Variants in PPP1R14C observed in about 807,000 individuals in gnomAD.
PPP1R14C encodes the protein protein phosphatase 1 regulatory inhibitor subunit 14C.
A neutral mutation model predicts 20.4 loss-of-function variants in PPP1R14C; 16 were observed. The observed-to-expected ratio is 0.78, with a 90% CI of 0.53 to 1.19. The LOEUF is 1.19. Among genes scored for constraint, PPP1R14C ranks in the 50% most tolerant of loss-of-function variants. The pLI, the probability that PPP1R14C is intolerant of heterozygous loss-of-function variation, is 0.00. For missense variants in PPP1R14C, 211 were observed against 220.1 expected (o/e 0.96, Z 0.26); for synonymous variants, 91 against 91.0 (o/e 1.00, Z 0.00).
intron 1 of PPP1R14C, among the ~76,000 whole-genome samples, chr6:150,189,019 C>T (rs569582243): frequency 1.3e-5 from 2 of 151,928 alleles, no homozygotes; most frequent in East Asian, 1.9e-4. Context: ...CCACCATGCC[C>T]GGCTAATTTT....
At chr6:150,189,074 G>T (rs1777712000) in intron 1 of PPP1R14C, among the ~76,000 whole-genome samples, 1 of 151,622 alleles carries the variant, frequency 6.6e-6, no homozygotes, top group Non-Finnish European at 1.5e-5. Context: ...GGTCAGGCTG[G>T]TCTCAAACTC....
Position 150,197,914 on chromosome 6 carries a change from T to C in PPP1R14C, c.307-16830T>C, listed in dbSNP as rs9371815. 3.7e-3 allele frequency among the ~76,000 whole-genome samples: 250 copies of C among 67,056 alleles called. 2 individuals carry two copies. The highest frequency in any genetic ancestry group is 0.031 in the Middle Eastern group (3 of 98). 44.0% of individuals were successfully genotyped at this position (67,056 alleles called of 152,430 possible). On this transcript the variant is annotated intron_variant, in intron 1 of 3. Transcript: ENST00000361131. Reference sequence around the variant, plus strand: ...ATGCCCAGCTTTGTGTGCCCCTGCCTGCCACGGTGGAGGAGGGCCTGGATG... The same window carrying C: ...ATGCCCAGCTTTGTGTGCCCCTGCCCGCCACGGTGGAGGAGGGCCTGGATG...
intron 3 of PPP1R14C, among the ~76,000 whole-genome samples, chr6:150,231,328 T>C (rs532414136): frequency 6.0e-4 from 91 of 152,334 alleles, no homozygotes; most frequent in Middle Eastern, 6.8e-3. Flanking sequence ...TCTGTATTAG[T>C]ATGTGTGAGT....
chr6:150,174,716 G>A (rs969242925), intron 1 of PPP1R14C, among the ~76,000 whole-genome samples: 4 of 151,758 alleles, frequency 2.6e-5, no homozygotes, highest in African/African-American at 7.3e-5. Flanking sequence ...TGTAATCCCA[G>A]CACTTTGGGA....
intron 1 of PPP1R14C, among the ~76,000 whole-genome samples, chr6:150,174,810 C>CA (rs1297018608): frequency 6.6e-6 from 1 of 151,250 alleles, no homozygotes; most frequent in Non-Finnish European, 1.5e-5. Flanking sequence ...TGAAAATACA[C>CA]AAAAAATTAG....
At chr6:150,207,181 A>C (rs17079418) in intron 1 of PPP1R14C, among the ~76,000 whole-genome samples, 2 of 152,050 alleles carry the variant, frequency 1.3e-5, no homozygotes, top group African/African-American at 4.8e-5. Context: ...TGTTTTTAAA[A>C]AGGGCTTTGG....
chr6:150,230,159 C>T (rs1246740492), intron 3 of PPP1R14C, among the ~76,000 whole-genome samples: 1 of 152,172 alleles, frequency 6.6e-6, no homozygotes, highest in Non-Finnish European at 1.5e-5. Flanking sequence ...TCACCTTTTC[C>T]AAGAGGCACA....
At chr6:150,158,008 G>C (rs527429401) in intron 1 of PPP1R14C, among the ~76,000 whole-genome samples, 5 of 152,212 alleles carry the variant, frequency 3.3e-5, no homozygotes, top group Non-Finnish European at 7.3e-5. Flanking sequence ...GGCTGGGGGA[G>C]CTGGCTTGGT....
intron 3 of PPP1R14C, among the ~76,000 whole-genome samples, chr6:150,227,948 G>C (rs1192081711): frequency 6.6e-6 from 1 of 152,166 alleles, no homozygotes; most frequent in East Asian, 1.9e-4. Context: ...CTTTCATTAG[G>C]ATTCTATGCA....
At chr6:150,148,545 A>G (rs532437253) in intron 1 of PPP1R14C, among the ~76,000 whole-genome samples, 2 of 152,354 alleles carry the variant, frequency 1.3e-5, no homozygotes, top group South Asian at 2.1e-4. Flanking sequence ...CTCCTTTTAC[A>G]TGCAGATCCT....
intron 1 of PPP1R14C, among the ~76,000 whole-genome samples, chr6:150,174,430 A>C (rs1030545155): frequency 5.3e-5 from 8 of 151,594 alleles, no homozygotes; most frequent in Non-Finnish European, 8.8e-5. Context: ...GTTAGCCAGG[A>C]TGGTCTCGAT....
intron 1 of PPP1R14C, among the ~76,000 whole-genome samples, chr6:150,202,544 T>C (rs905955100): frequency 4.6e-5 from 7 of 152,244 alleles, no homozygotes; most frequent in South Asian, 2.1e-4. Context: ...GGAGTCCCCA[T>C]TGGGCAGAAG....
intron 3 of PPP1R14C, among the ~76,000 whole-genome samples, chr6:150,217,915 A>G (rs116743436): frequency 0.014 from 2,085 of 152,288 alleles, 58 homozygotes; most frequent in African/African-American, 0.047. Flanking sequence ...CTAGTTACCT[A>G]TTTGAGCTTT....
At chr6:150,246,030 C>T (rs138535537) in intron 3 of PPP1R14C, among the ~76,000 whole-genome samples, 2 of 152,106 alleles carry the variant, frequency 1.3e-5, no homozygotes, top group Non-Finnish European at 2.9e-5. Flanking sequence ...ATGCACAAGG[C>T]AAATAGCATT....
At chr6:150,219,445 G>A (rs895039930) in intron 3 of PPP1R14C, among the ~76,000 whole-genome samples, 1 of 151,974 alleles carries the variant, frequency 6.6e-6, no homozygotes, top group Admixed American at 6.6e-5. Flanking sequence ...CAAACTCCTG[G>A]CCCCAAGTGA....
chr6:150,226,790 G>A (rs550798595), intron 3 of PPP1R14C, among the ~76,000 whole-genome samples: 37 of 152,012 alleles, frequency 2.4e-4, no homozygotes, highest in African/African-American at 8.4e-4. Flanking sequence ...ACATTGATAG[G>A]CATCCATTCA....
chr6:150,148,985 G>C (rs1434523504), intron 1 of PPP1R14C, among the ~76,000 whole-genome samples: 2 of 152,036 alleles, frequency 1.3e-5, no homozygotes, highest in Admixed American at 6.6e-5. Flanking sequence ...GATCACCTGA[G>C]CCCGGGGAGG....
At chr6:150,229,780 G>A (rs142503186) in intron 3 of PPP1R14C, among the ~76,000 whole-genome samples, 67 of 152,278 alleles carry the variant, frequency 4.4e-4, no homozygotes, top group Middle Eastern at 3.4e-3. Flanking sequence ...ACCCATAACA[G>A]ATCCATAAGC....
chr6:150,202,315 G>A (rs548409238), intron 1 of PPP1R14C, among the ~76,000 whole-genome samples: 26 of 151,962 alleles, frequency 1.7e-4, no homozygotes, highest in African/African-American at 5.5e-4. Context: ...TGGGTCCCAC[G>A]GAAGAGGCAC....
Sources: allele counts gnomAD v4.1 joint callset (sites outside exome capture counted in the v4.1 genomes callset), GRCh38; gene constraint gnomAD v4.1.1; transcripts MANE v1.5; gene names NCBI Gene and HGNC (gene_info 2026-07-23, HGNC 2026-07-21).